RTKN2: variants seen among roughly 807,000 people sequenced by gnomAD.
The protein encoded by RTKN2 is rhotekin 2.
RTKN2 carries 69 observed loss-of-function variants against 71.5 expected under a neutral mutation model. The ratio of observed to expected loss-of-function variants is 0.96; its 90% confidence interval spans 0.79 to 1.18. RTKN2 has a LOEUF of 1.18. Among genes scored for constraint, RTKN2 ranks in the 50% most tolerant of loss-of-function variants. The pLI is 0.00. For missense variants in RTKN2, 724 were observed against 719.7 expected (o/e 1.01, Z -0.07); for synonymous variants, 236 against 236.5 (o/e 1.00, Z 0.02).
intron 9 of RTKN2, among the ~76,000 whole-genome samples, chr10:62,212,477 A>G (rs1273606659): frequency 2.6e-5 from 4 of 152,104 alleles, no homozygotes; most frequent in Admixed American, 2.6e-4. Flanking sequence ...TGAGGCAGGC[A>G]GAATTGCTTG....
chr10:62,268,499 A>ACT lies in RTKN2; in HGVS notation c.60+51_60+52insAG, dbSNP rs1842906872. 19 of 1,504,966 alleles carry ACT rather than the reference A, an allele frequency of 1.3e-5. No homozygotes were observed. The South Asian group carries it at 2.2e-4, about 17-fold the overall frequency. 93.2% of individuals were successfully genotyped at this position (1,504,966 alleles called of 1,614,324 possible). On this transcript the variant is annotated intron_variant, in intron 1 of 11. Transcript: ENST00000373789. ...CCTCCACAAAGCAAATGCGCGAGGA[A>ACT]CAGAACCCCGGCTCCCTCACCTTCC...
chr10:62,268,087 C>T (rs1026937041), intron 1 of RTKN2, among the ~76,000 whole-genome samples: 1 of 152,208 alleles, frequency 6.6e-6, no homozygotes, highest in Non-Finnish European at 1.5e-5. Context: ...TGCCTCTACT[C>T]CGCTCCGAAC....
At chr10:62,233,058 T>G (rs971485182) in intron 6 of RTKN2, among the ~76,000 whole-genome samples, 5 of 152,184 alleles carry the variant, frequency 3.3e-5, no homozygotes, top group African/African-American at 1.2e-4. Flanking sequence ...TAAAGGTGCA[T>G]GAAACTCCAA....
intron 7 of RTKN2, among the ~76,000 whole-genome samples, chr10:62,221,181 G>A (rs989383800): frequency 5.9e-5 from 9 of 151,602 alleles, no homozygotes; most frequent in Non-Finnish European, 1.2e-4. Flanking sequence ...ACATAGGTTA[G>A]GGAAAAGAGT....
intron 8 of RTKN2, among the ~76,000 whole-genome samples, 193 bp from the exon 9 acceptor site, chr10:62,217,442 T>A (rs1250477545): frequency 6.6e-6 from 1 of 152,086 alleles, no homozygotes; most frequent in Non-Finnish European, 1.5e-5. Context: ...AGAAGAAAAG[T>A]TTGGAATTCT....
exon 9 of RTKN2, chr10:62,184,193 C>T (rs1589320454): frequency 2.0e-5 from 12 of 605,190 alleles, no homozygotes; most frequent in East Asian, 1.5e-4. Context: ...TGTCAGGTGC[C>T]GTACTGGGTG....
chr10:62,192,498 T>G (rs1156782707), downstream of RTKN2, among the ~76,000 whole-genome samples: 1 of 152,204 alleles, frequency 6.6e-6, no homozygotes, highest in East Asian at 1.9e-4. Context: ...TTACATTGCA[T>G]GCAAAAGTGA....
At chr10:62,228,882 T>C (rs560370769) in intron 6 of RTKN2, among the ~76,000 whole-genome samples, 18 of 152,196 alleles carry the variant, frequency 1.2e-4, no homozygotes, top group Non-Finnish European at 2.1e-4. Flanking sequence ...TGAAACAAAG[T>C]TATCAGCTAT....
chr10:62,189,434 G>GT (rs2132760584), downstream of RTKN2, among the ~76,000 whole-genome samples: 1 of 152,314 alleles, frequency 6.6e-6, no homozygotes, highest in Admixed American at 6.5e-5. Flanking sequence ...GGAACAGACT[G>GT]TATTCTTTCA....
chr10:62,259,468 C>T (rs1208752977), intron 2 of RTKN2, among the ~76,000 whole-genome samples: 1 of 152,206 alleles, frequency 6.6e-6, no homozygotes, highest in African/African-American at 2.4e-5. Context: ...TCCTTTTCAT[C>T]TTTGCCTTGA....
At chr10:62,206,936 A>C (rs1175348050) in intron 9 of RTKN2, among the ~76,000 whole-genome samples, 1 of 152,054 alleles carries the variant, frequency 6.6e-6, no homozygotes, top group Non-Finnish European at 1.5e-5. Context: ...CTTAAGCTCT[A>C]GGAAGAATCT....
chr10:62,197,663 CA>C lies in RTKN2; in HGVS notation c.*244del. 1 of 1,290,102 alleles carries C rather than the reference CA, an allele frequency of 7.8e-7. No individual in the cohort carries two copies. Among genetic ancestry groups the C allele is most frequent in the Non-Finnish European group, 9.8e-7 (1 of 1,020,286 alleles). The allele number at this position is 1,290,102 out of a possible 1,614,324, so 79.9% of individuals were successfully genotyped here. A position where few individuals can be genotyped will look rare whatever the true frequency, so the allele number is the denominator to read the frequency against. On this transcript the variant is annotated 3_prime_UTR_variant, in exon 12 of 12. Coordinates refer to ENST00000373789, the MANE Select transcript of RTKN2 (RefSeq NM_145307.4). ...TTCAGGAATAAATTAACCCTTCCAA[CA>C]ATTAGGATATTGTCTAGAAACTGCC...
In RTKN2 at chr10:62,268,720, C is replaced by G; in HGVS notation, c.-110G>C. 8.5e-7 allele frequency: 1 copy of G among 1,180,796 alleles called. No homozygotes were observed. Among genetic ancestry groups the G allele is most frequent in the Non-Finnish European group, 1.2e-6 (1 of 841,262 alleles). The allele number at this position is 1,180,796 out of a possible 1,614,324, so 73.1% of individuals were successfully genotyped here. On this transcript the variant is annotated 5_prime_UTR_variant, in exon 1 of 12. Coordinates refer to ENST00000373789, the MANE Select transcript of RTKN2 (RefSeq NM_145307.4). ...GCCAACCGCCCGGCCGTACCAAGTCCCAGTCGCAGGGGCCGGGGGCGCAGG... is the reference window on the plus strand; with the variant it reads ...GCCAACCGCCCGGCCGTACCAAGTCGCAGTCGCAGGGGCCGGGGGCGCAGG...
Position 62,253,986 on chromosome 10 carries a change from G to A in RTKN2, c.258-7929C>T, listed in dbSNP as rs537343279. Among the ~76,000 whole-genome samples the A allele has an allele frequency of 6.6e-5, 10 of 152,230 alleles. No homozygotes were observed. The South Asian group carries it at 2.1e-3, about 32-fold the overall frequency. On this transcript the variant is annotated intron_variant, in intron 2 of 11. Transcript: ENST00000373789. ...CAGAATAGTGGCTGATTCTTGGGGT[G>A]GGAACCGTGACAAGAGCTACTAATT... is the stretch of plus-strand genomic sequence containing the variant.
chr10:62,242,631 T>C (rs1207152509), intron 3 of RTKN2, among the ~76,000 whole-genome samples: 1 of 152,044 alleles, frequency 6.6e-6, no homozygotes, highest in Non-Finnish European at 1.5e-5. Flanking sequence ...CCTTTTTTTT[T>C]TTGAGACAGC....
At chr10:62,216,565 T>G (rs568172361) in intron 9 of RTKN2, among the ~76,000 whole-genome samples, 70 of 152,062 alleles carry the variant, frequency 4.6e-4, no homozygotes, top group Non-Finnish European at 8.7e-4. Flanking sequence ...ATAGTCTCCT[T>G]TGTAACAAAC....
Position 62,194,412 on chromosome 10 carries a change from A to G in RTKN2, c.*3496T>C. 1 of 980,740 alleles carries G rather than the reference A, an allele frequency of 1.0e-6. No individual in the cohort carries two copies. Among genetic ancestry groups the G allele is most frequent in the Non-Finnish European group, 1.2e-6 (1 of 825,606 alleles). The allele number at this position is 980,740 out of a possible 1,614,324, so 60.8% of individuals were successfully genotyped here. On this transcript the variant is annotated 3_prime_UTR_variant, in exon 12 of 12. Transcript: ENST00000373789. ...AATGTCAACTTTACATTATAATTTA[A>G]GACTAACAGTGAAGATGGCTACTAG...
chr10:62,256,125 C>A (rs1350272060), intron 2 of RTKN2, among the ~76,000 whole-genome samples: 4 of 151,282 alleles, frequency 2.6e-5, no homozygotes, highest in African/African-American at 7.3e-5. Flanking sequence ...TGCAAGTGAT[C>A]CTCCTGCCTC....
At chr10:62,268,511 C>T (rs1209045227) in intron 1 of RTKN2, 40 bp downstream of exon 1, 1 of 1,539,306 alleles carries the variant, frequency 6.5e-7, no homozygotes, top group Non-Finnish European at 8.8e-7. Flanking sequence ...AGAACCCCGG[C>T]TCCCTCACCT....
Sources: allele counts gnomAD v4.1 joint callset (sites outside exome capture counted in the v4.1 genomes callset), GRCh38; gene constraint gnomAD v4.1.1; transcripts MANE v1.5; gene names NCBI Gene and HGNC (gene_info 2026-07-23, HGNC 2026-07-21).